Variants in DCC observed in about 807,000 individuals in gnomAD.
The protein encoded by DCC is netrin receptor DCC.
In DCC, 58 loss-of-function variants were observed where a neutral mutation model predicts 172.5. The ratio of observed to expected loss-of-function variants is 0.34; its 90% CI spans 0.27 to 0.42. The LOEUF is 0.42. DCC is among the 10% of genes least tolerant of loss of function. DCC has a pLI of 1.00. For synonymous variants in DCC, 709 were observed against 644.5 expected, an observed-to-expected ratio of 1.10 and a Z score of -1.52; for missense variants, 1,740 against 1,791.0, an observed-to-expected ratio of 0.97 and a Z score of 0.51.
At chr18:53,132,246 TG>T (rs2043668181) in intron 7 of DCC, among the ~76,000 whole-genome samples, 1 of 152,008 alleles carries the variant, frequency 6.6e-6, no homozygotes, top group Non-Finnish European at 1.5e-5. Flanking sequence ...ATCCCTGATT[TG>T]GAGAATTTGC....
intron 1 of DCC, among the ~76,000 whole-genome samples, chr18:52,640,572 A>G (rs1296438865): frequency 1.3e-5 from 2 of 152,142 alleles, no homozygotes; most frequent in African/African-American, 2.4e-5. Context: ...AACAGCAACC[A>G]AGTGGAGAAT....
At chr18:52,744,477 C>T (rs2036876964) in intron 1 of DCC, among the ~76,000 whole-genome samples, 1 of 152,116 alleles carries the variant, frequency 6.6e-6, no homozygotes, top group South Asian at 2.1e-4. Context: ...TTCTGATTTG[C>T]ATTTTTTAGT....
At chr18:53,076,096 A>C (rs2042721912) in intron 7 of DCC, among the ~76,000 whole-genome samples, 1 of 152,082 alleles carries the variant, frequency 6.6e-6, no homozygotes, top group Non-Finnish European at 1.5e-5. Flanking sequence ...ACTCCTCTTA[A>C]TGACCTGGGC....
At chr18:52,704,525 A>G (rs573140319) in intron 1 of DCC, among the ~76,000 whole-genome samples, 37 of 152,346 alleles carry the variant, frequency 2.4e-4, no homozygotes, top group South Asian at 1.2e-3. Flanking sequence ...GAAAGTTTAT[A>G]TTTTATTAAA....
At chr18:52,360,925 C>G (rs1014079200) in intron 1 of DCC, among the ~76,000 whole-genome samples, 1 of 152,100 alleles carries the variant, frequency 6.6e-6, no homozygotes, top group Non-Finnish European at 1.5e-5. Context: ...TGTAAGTGGA[C>G]CCATCTATGA....
intron 1 of DCC, among the ~76,000 whole-genome samples, chr18:52,617,178 T>C (rs112037335): frequency 0.021 from 3,174 of 152,156 alleles, 130 homozygotes; most frequent in African/African-American, 0.073. Context: ...ACCTACACAA[T>C]GTATACATGT....
intron 27 of DCC, among the ~76,000 whole-genome samples, chr18:53,521,519 A>T (rs948881096): frequency 3.9e-5 from 6 of 152,158 alleles, no homozygotes; most frequent in African/African-American, 1.4e-4. Flanking sequence ...AAAAATTGTG[A>T]TGAAGTACAT....
chr18:52,781,645 T>C (rs2037546565), intron 2 of DCC, among the ~76,000 whole-genome samples: 1 of 152,126 alleles, frequency 6.6e-6, no homozygotes, highest in African/African-American at 2.4e-5. Flanking sequence ...ACAGAAGTTA[T>C]TGATCATTTT....
intron 7 of DCC, among the ~76,000 whole-genome samples, chr18:53,068,593 G>T (rs1279351643): frequency 6.6e-6 from 1 of 152,038 alleles, no homozygotes; most frequent in Admixed American, 6.6e-5. Context: ...TAAAGGAGGT[G>T]TAAGATGTAT....
chr18:53,307,699 A>G (rs1186373721), intron 13 of DCC, among the ~76,000 whole-genome samples: 2 of 151,656 alleles, frequency 1.3e-5, no homozygotes, highest in Non-Finnish European at 2.9e-5. Context: ...AGATGATAAA[A>G]TGTTCAATCT....
At chr18:53,380,783 T>A (rs1248163681) in intron 15 of DCC, among the ~76,000 whole-genome samples, 3 of 152,174 alleles carry the variant, frequency 2.0e-5, no homozygotes, top group Non-Finnish European at 4.4e-5. Context: ...TCTTCAGGAC[T>A]CCTAGCTCTA....
At chr18:53,494,699 T>C (rs958037338) in intron 26 of DCC, among the ~76,000 whole-genome samples, 1 of 152,226 alleles carries the variant, frequency 6.6e-6, no homozygotes, top group Non-Finnish European at 1.5e-5. Flanking sequence ...TTTGAGCCTA[T>C]GTGTGCCTGC....
chr18:52,842,480 C>T (rs945323056), intron 2 of DCC, among the ~76,000 whole-genome samples: 4 of 152,134 alleles, frequency 2.6e-5, no homozygotes, highest in African/African-American at 9.7e-5. Context: ...TATTAAGGCC[C>T]TTAATGGATT....
At chr18:52,497,314 T>TATATATATATATATAC (rs1281625390) in intron 1 of DCC, among the ~76,000 whole-genome samples, 4 of 73,978 alleles carry the variant, frequency 5.4e-5, no homozygotes, top group African/African-American at 2.0e-4. Flanking sequence ...TATATATATA[T>TATATATATATATATAC]ACACACACAC....
intron 5 of DCC, among the ~76,000 whole-genome samples, chr18:52,998,235 A>G (rs1020207639): frequency 1.5e-4 from 23 of 152,062 alleles, no homozygotes; most frequent in Non-Finnish European, 8.8e-5. Flanking sequence ...TTCTATTAGC[A>G]GGAATTGTGC....
chr18:52,701,824 C>T (rs1171514902), intron 1 of DCC, among the ~76,000 whole-genome samples: 1 of 152,118 alleles, frequency 6.6e-6, no homozygotes, highest in East Asian at 1.9e-4. Flanking sequence ...AAAGCAATTC[C>T]ATCTTGAATG....
intron 5 of DCC, among the ~76,000 whole-genome samples, chr18:53,054,261 C>A (rs921704408): frequency 3.8e-4 from 58 of 151,610 alleles, no homozygotes; most frequent in Non-Finnish European, 8.8e-5. Flanking sequence ...GACTGTAGAA[C>A]CCACAGATAT....
intron 2 of DCC, among the ~76,000 whole-genome samples, chr18:52,788,897 T>C (rs923267509): frequency 5.4e-4 from 82 of 152,278 alleles, no homozygotes; most frequent in African/African-American, 1.9e-3. Context: ...AATTTTACCA[T>C]GCATTTCATT....
At chr18:53,061,821 G>T (rs909532391) in intron 5 of DCC, among the ~76,000 whole-genome samples, 11 of 152,154 alleles carry the variant, frequency 7.2e-5, no homozygotes, top group African/African-American at 2.6e-4. Context: ...TCAGGTAGTG[G>T]GAGAGATAAT....
Sources: allele counts gnomAD v4.1 joint callset (sites outside exome capture counted in the v4.1 genomes callset), GRCh38; gene constraint gnomAD v4.1.1; transcripts MANE v1.5; gene names NCBI Gene and HGNC (gene_info 2026-07-23, HGNC 2026-07-21).